Variants in PRLR observed in about 807,000 individuals in gnomAD.
The protein encoded by PRLR is prolactin receptor.
A neutral mutation model predicts 40.2 loss-of-function variants in PRLR; 13 were observed. The ratio of observed to expected loss-of-function variants is 0.32; its 90% confidence interval spans 0.21 to 0.51. The LOEUF is 0.51. PRLR is among the 20% of genes least tolerant of loss of function. The pLI, the probability that PRLR is intolerant of heterozygous loss-of-function variation, is 0.97. For synonymous variants in PRLR, 269 were observed against 278.7 expected, an observed-to-expected ratio of 0.97 and a Z score of 0.35; for missense variants, 656 against 747.3, an observed-to-expected ratio of 0.88 and a Z score of 1.42.
At chr5:35,099,760 T>C (rs2112506001) in intron 2 of PRLR, among the ~76,000 whole-genome samples, 1 of 152,252 alleles carries the variant, frequency 6.6e-6, no homozygotes. Context: ...AATGAAAAAG[T>C]TTAAAAAGTA....
In PRLR at chr5:35,060,478, A is replaced by G. The variant is rs1293229014; in HGVS notation, c.*4611T>C. Reference sequence around the variant, plus strand: ...GGCTTTCTTGCACTGCACCAGGGACACTGACCTGAAACCCTGGATTTTACC... The same window carrying G: ...GGCTTTCTTGCACTGCACCAGGGACGCTGACCTGAAACCCTGGATTTTACC... On this transcript the variant is annotated 3_prime_UTR_variant, in exon 10 of 10. Coordinates refer to ENST00000618457, the MANE Select transcript of PRLR (RefSeq NM_000949.7). 2 of 152,208 alleles carry G rather than the reference A, an allele frequency of 1.3e-5. No homozygotes were observed. Among genetic ancestry groups the G allele is most frequent in the African/African-American group, 4.8e-5 (2 of 41,448 alleles). The allele number at this position is 152,208 out of a possible 1,614,324, so 9.4% of individuals were successfully genotyped here. A position where few individuals can be genotyped will look rare whatever the true frequency, so the allele number is the denominator to read the frequency against.
rs1302948784 is a variant in PRLR, at chr5:35,059,856, CA to C, written c.*5232del. 6.6e-6 allele frequency: 1 copy of C among 152,150 alleles called. No homozygotes were observed. Among genetic ancestry groups the C allele is most frequent in the Non-Finnish European group, 1.5e-5 (1 of 68,042 alleles). The allele number at this position is 152,150 out of a possible 1,614,324, so 9.4% of individuals were successfully genotyped here. A position where few individuals can be genotyped will look rare whatever the true frequency, so the allele number is the denominator to read the frequency against. On this transcript the variant is annotated 3_prime_UTR_variant, in exon 10 of 10. Transcript: ENST00000618457. Reference sequence around the variant, plus strand: ...AGTAACTTGGGTTTATTTATTGAGACAAGGTCTTGCTCTCTCACCCAGGCTG... The same window carrying C: ...AGTAACTTGGGTTTATTTATTGAGACAGGTCTTGCTCTCTCACCCAGGCTG...
intron 2 of PRLR, among the ~76,000 whole-genome samples, chr5:35,114,124 C>A (rs1430369934): frequency 6.6e-6 from 1 of 152,114 alleles, no homozygotes; most frequent in African/African-American, 2.4e-5. Context: ...ACTGACTTTG[C>A]AGCATGATCC....
At chr5:35,166,832 C>T (rs1016873567) in intron 1 of PRLR, among the ~76,000 whole-genome samples, 3 of 152,050 alleles carry the variant, frequency 2.0e-5, no homozygotes, top group African/African-American at 7.2e-5. Context: ...TATTTGCTTT[C>T]CCTGTGTATT....
intron 1 of PRLR, among the ~76,000 whole-genome samples, chr5:35,200,306 A>G (rs1415390694): frequency 1.3e-5 from 2 of 152,196 alleles, no homozygotes; most frequent in East Asian, 3.9e-4. Context: ...AACCAATTCT[A>G]TCGTGGCTAC....
At chr5:35,177,370 G>C (rs1433231731) in intron 1 of PRLR, among the ~76,000 whole-genome samples, 2 of 152,106 alleles carry the variant, frequency 1.3e-5, no homozygotes, top group East Asian at 3.9e-4. Context: ...AGTGGTTTTT[G>C]GTATATTCAC....
At chr5:35,102,598 A>G (rs1462076176) in intron 2 of PRLR, among the ~76,000 whole-genome samples, 1 of 141,720 alleles carries the variant, frequency 7.1e-6, no homozygotes, top group Non-Finnish European at 1.5e-5. Flanking sequence ...GCTGGAGTGC[A>G]GTGGCCCAAT....
chr5:35,166,459 C>A (rs1481006098), intron 1 of PRLR, among the ~76,000 whole-genome samples: 1 of 152,046 alleles, frequency 6.6e-6, no homozygotes, highest in African/African-American at 2.4e-5. Flanking sequence ...ACTGTGTAAT[C>A]TTTATTTTTT....
At chr5:35,177,914 G>A (rs922568017) in intron 1 of PRLR, among the ~76,000 whole-genome samples, 4 of 151,658 alleles carry the variant, frequency 2.6e-5, no homozygotes, top group African/African-American at 7.3e-5. Context: ...ATTTCATTTC[G>A]CATGTCTACC....
intron 1 of PRLR, among the ~76,000 whole-genome samples, chr5:35,136,200 T>C (rs2111800066): frequency 6.6e-6 from 1 of 152,258 alleles, no homozygotes; most frequent in Non-Finnish European, 1.5e-5. Context: ...ATTGTGCAAG[T>C]TTGTGGACTC....
At position 35,172,713 on chromosome 5, in the gene PRLR, G is replaced by A. The variant is rs537212642; in HGVS notation, c.-105-54591C>T. ...ACAAATCCCTCCTCCCGACTGATGC[G>A]GCAGCATGAGCTCCCTGTCCTCCCA... On this transcript the variant is annotated intron_variant, in intron 1 of 9. Coordinates refer to ENST00000618457, the MANE Select transcript of PRLR (RefSeq NM_000949.7). Among the ~76,000 whole-genome samples the A allele has an allele frequency of 5.3e-5, 8 of 152,250 alleles. No individual in the cohort carries two copies. The East Asian group carries it at 9.7e-4, about 18-fold the overall frequency.
At chr5:35,161,823 T>G (rs529036770) in intron 1 of PRLR, among the ~76,000 whole-genome samples, 2 of 152,252 alleles carry the variant, frequency 1.3e-5, no homozygotes, top group African/African-American at 4.8e-5. Context: ...CAGATACACG[T>G]TGGAAAATAA....
chr5:35,166,921 C>T (rs563740205), intron 1 of PRLR, among the ~76,000 whole-genome samples: 15 of 151,974 alleles, frequency 9.9e-5, no homozygotes, highest in African/African-American at 2.4e-4. Flanking sequence ...AAATACACAC[C>T]CTTAAACATA....
chr5:35,188,928 A>G (rs572193577), intron 1 of PRLR, among the ~76,000 whole-genome samples: 1 of 152,258 alleles, frequency 6.6e-6, no homozygotes, highest in African/African-American at 2.4e-5. Context: ...TCCCACCCCA[A>G]ATTCATACGT....
chr5:35,199,083 A>G (rs1351938144), intron 1 of PRLR, among the ~76,000 whole-genome samples: 1 of 152,216 alleles, frequency 6.6e-6, no homozygotes, highest in Non-Finnish European at 1.5e-5. Context: ...CCTCCGAAGC[A>G]GGAAAGACTA....
In PRLR at chr5:35,150,588, T is replaced by G. The variant is rs537100147; in HGVS notation, c.-105-32466A>C. Among the ~76,000 whole-genome samples the G allele has an allele frequency of 7.6e-4, 116 of 152,280 alleles. 1 individual carries two copies. Among genetic ancestry groups the G allele is most frequent in the African/African-American group, 2.8e-3 (116 of 41,546 alleles). On this transcript the variant is annotated intron_variant, in intron 1 of 9. Transcript: ENST00000618457. Reference sequence around the variant, plus strand: ...GCAGTATTGAATTAAACCATCTACATTTTCTGGAAATACAGCTGCGTGCTT... The same window carrying G: ...GCAGTATTGAATTAAACCATCTACAGTTTCTGGAAATACAGCTGCGTGCTT...
intron 2 of PRLR, among the ~76,000 whole-genome samples, chr5:35,112,423 C>A (rs115722219): frequency 0.013 from 1,915 of 152,072 alleles, 45 homozygotes; most frequent in African/African-American, 0.043. Flanking sequence ...TTACTCTGGC[C>A]CCGGGGCTTC....
At chr5:35,221,464 A>G (rs774687580) in intron 1 of PRLR, among the ~76,000 whole-genome samples, 1 of 152,204 alleles carries the variant, frequency 6.6e-6, no homozygotes, top group African/African-American at 2.4e-5. Flanking sequence ...CATGTTTTTT[A>G]AAGAACAGAA....
intron 1 of PRLR, among the ~76,000 whole-genome samples, chr5:35,164,310 A>G (rs538344575): frequency 1.3e-5 from 2 of 152,330 alleles, no homozygotes; most frequent in African/African-American, 4.8e-5. Flanking sequence ...AAACATAATA[A>G]TTATAGGCAG....
Sources: gnomAD v4.1 joint callset for allele counts (sites outside exome capture counted in the v4.1 genomes callset) on GRCh38, gnomAD v4.1.1 for gene constraint, MANE v1.5 for transcripts, NCBI Gene and HGNC (gene_info 2026-07-23, HGNC 2026-07-21) for gene names.